The following CHST15 variants were observed in gnomAD, a reference collection of about 807,000 sequenced individuals.
The protein encoded by CHST15 is B cell RAG associated protein (GALNAC4S-6ST).
Under a neutral mutation model 53.6 loss-of-function variants are expected in CHST15, and 30 were observed. The ratio of observed to expected loss-of-function variants is 0.56; its 90% CI spans 0.42 to 0.76. The LOEUF (loss-of-function observed/expected upper bound fraction) is 0.76. Among genes scored for constraint, CHST15 ranks in the 30% least tolerant of loss-of-function variants. The probability of loss-of-function intolerance (pLI) is 0.00; values close to 1 mark genes in which losing one functional copy is unlikely to be tolerated. For missense variants in CHST15, 627 were observed against 740.5 expected, an observed-to-expected ratio of 0.85 and a Z score of 1.78; for synonymous variants, 296 against 289.8, an observed-to-expected ratio of 1.02 and a Z score of -0.22.
intron 5 of CHST15, among the ~76,000 whole-genome samples, chr10:124,026,725 C>T (rs1045237880): frequency 5.3e-5 from 8 of 152,136 alleles, no homozygotes; most frequent in African/African-American, 1.7e-4. Context: ...ACGGCCTCAG[C>T]GGATGCTTGC....
At chr10:124,047,198 ATG>A (rs1435303150) in intron 1 of CHST15, among the ~76,000 whole-genome samples, 1 of 152,212 alleles carries the variant, frequency 6.6e-6, no homozygotes, top group East Asian at 1.9e-4. Context: ...GGCAGAGAAA[ATG>A]TGTTTTTTCC....
Position 124,008,006 on chromosome 10 carries a change from A to C in CHST15, c.*2143T>G. 8.1e-7 allele frequency: 1 copy of C among 1,232,120 alleles called. No homozygotes were observed. The highest frequency in any genetic ancestry group is 1.0e-6 in the Non-Finnish European group (1 of 987,974). The allele number at this position is 1,232,120 out of a possible 1,614,324, so 76.3% of individuals were successfully genotyped here. A position where few individuals can be genotyped will look rare whatever the true frequency, so the allele number is the denominator to read the frequency against. On this transcript the variant is annotated 3_prime_UTR_variant, in exon 8 of 8. Coordinates refer to ENST00000435907, the MANE Select transcript of CHST15 (RefSeq NM_001270764.2). ...CTGGAGAGAAAGGCCCCTGGAGGGAAAAACCATGTCTGGATGGCATTGAGT... is the reference window on the plus strand; with the variant it reads ...CTGGAGAGAAAGGCCCCTGGAGGGACAAACCATGTCTGGATGGCATTGAGT...
intron 7 of CHST15, chr10:124,011,504 C>A: frequency 1.0e-6 from 1 of 985,470 alleles, no homozygotes; most frequent in Non-Finnish European, 1.2e-6. Context: ...CTCAATTAAC[C>A]AAGTTCCCGG....
intron 4 of CHST15, 139 bp from the exon 5 acceptor site, chr10:124,038,810 G>T: frequency 1.2e-6 from 1 of 835,062 alleles, no homozygotes; most frequent in Non-Finnish European, 1.8e-6. Context: ...GCCTTTGCGG[G>T]CATCTGGGAC....
chr10:124,021,471 G>A (rs1200984750), intron 5 of CHST15, 59 bp from the exon 6 acceptor site: 1 of 1,556,494 alleles, frequency 6.4e-7, no homozygotes, highest in East Asian at 2.3e-5. Context: ...ACACCATTTG[G>A]GCGACAATGA....
intron 1 of CHST15, among the ~76,000 whole-genome samples, chr10:124,052,342 T>C (rs531126779): frequency 6.6e-6 from 1 of 152,338 alleles, no homozygotes; most frequent in East Asian, 1.9e-4. Context: ...CAGTCTTCTA[T>C]CTGGACTTCG....
intron 1 of CHST15, among the ~76,000 whole-genome samples, chr10:124,077,945 T>C (rs1223332573): frequency 2.6e-5 from 4 of 152,204 alleles, no homozygotes; most frequent in African/African-American, 9.7e-5. Flanking sequence ...TCAATTGGAA[T>C]TGAGGCTCCC....
At chr10:124,029,858 C>G (rs1435384277) in intron 5 of CHST15, among the ~76,000 whole-genome samples, 1 of 152,216 alleles carries the variant, frequency 6.6e-6, no homozygotes, top group Non-Finnish European at 1.5e-5. Context: ...AGACAGGTCC[C>G]TGAACTGTGG....
chr10:124,052,286 G>A (rs1405094708), intron 1 of CHST15, among the ~76,000 whole-genome samples: 1 of 152,184 alleles, frequency 6.6e-6, no homozygotes, highest in Non-Finnish European at 1.5e-5. Flanking sequence ...TGAGAAGAAA[G>A]CCAACAAGAC....
chr10:124,060,573 C>G (rs1039332629), intron 1 of CHST15, among the ~76,000 whole-genome samples: 1 of 150,084 alleles, frequency 6.7e-6, no homozygotes, highest in Non-Finnish European at 1.5e-5. Context: ...GCCAACCCCA[C>G]CAGGAGTGTG....
Position 124,045,811 on chromosome 10 carries a change from A to G in CHST15, c.402T>C (p.His134=), listed in dbSNP as rs376806073. Residue 134 remains histidine, a synonymous_variant, in exon 2 of 8, where the codon CAT becomes CAC. Coordinates refer to ENST00000435907, the MANE Select transcript of CHST15 (RefSeq NM_001270764.2). ...TATTATTTACAGAGGATTGGTGGTG[A>G]TGCTCCTTTGTGTCACTTGGGTTTT... ...DSENPSDTKE[H]HHQSSVNNIS... is the part of the protein sequence containing the mutation. The G allele has an allele frequency of 3.1e-6, 5 of 1,613,912 alleles. No individual in the cohort carries two copies. Among genetic ancestry groups the G allele is most frequent in the Non-Finnish European group, 4.2e-6 (5 of 1,180,034 alleles).
chr10:124,062,436 G>C (rs530160075), intron 1 of CHST15, among the ~76,000 whole-genome samples: 2 of 152,138 alleles, frequency 1.3e-5, no homozygotes, highest in Non-Finnish European at 2.9e-5. Flanking sequence ...ACCCCTTACC[G>C]GCTGTGTGCC....
At position 124,024,936 on chromosome 10, in the gene CHST15, C is replaced by T. The variant is rs907168481; in HGVS notation, c.1191-3524G>A. Among the ~76,000 whole-genome samples, 1 of 152,152 alleles carries T rather than the reference C, an allele frequency of 6.6e-6. No individual in the cohort carries two copies. Among genetic ancestry groups the T allele is most frequent in the Non-Finnish European group, 1.5e-5 (1 of 68,026 alleles). On this transcript the variant is annotated intron_variant, in intron 5 of 7. Transcript: ENST00000435907. The surrounding 1 kb of genome is among the most constrained non-coding windows in gnomAD (Gnocchi z 4.0). ...ATGCTTCTGAAACTGTCATAAAATCCCACGTTAAATAAGTATTCGAAGCCC... is the reference window on the plus strand; with the variant it reads ...ATGCTTCTGAAACTGTCATAAAATCTCACGTTAAATAAGTATTCGAAGCCC...
intron 1 of CHST15, among the ~76,000 whole-genome samples, chr10:124,048,795 C>T (rs1246161570): frequency 3.9e-5 from 6 of 152,176 alleles, no homozygotes; most frequent in South Asian, 2.1e-4. Flanking sequence ...AAACAAAACA[C>T]GGACTTTGAA....
intron 6 of CHST15, among the ~76,000 whole-genome samples, chr10:124,017,609 G>C (rs539080658): frequency 8.1e-4 from 123 of 152,298 alleles, no homozygotes; most frequent in African/African-American, 2.8e-3. Context: ...GGCCTGCCAC[G>C]CTGTGGGTGC....
intron 1 of CHST15, among the ~76,000 whole-genome samples, chr10:124,072,849 C>T (rs1047394787): frequency 6.6e-6 from 1 of 152,206 alleles, no homozygotes. Flanking sequence ...ATCCCAGAAG[C>T]CTTATCTCTT....
At chr10:124,066,150 A>C (rs1479259083) in intron 1 of CHST15, among the ~76,000 whole-genome samples, 3 of 152,188 alleles carry the variant, frequency 2.0e-5, no homozygotes, top group African/African-American at 7.2e-5. Context: ...CCTCCATTTA[A>C]TCAATTTGAG....
intron 6 of CHST15, 80 bp downstream of exon 6, chr10:124,021,176 A>G (rs1338773046): frequency 8.8e-6 from 13 of 1,472,024 alleles, no homozygotes; most frequent in East Asian, 2.8e-5. Flanking sequence ...CAAACCCACA[A>G]TGCCGCTTGC....
At chr10:124,075,952 C>T (rs531302638) in intron 1 of CHST15, among the ~76,000 whole-genome samples, 25 of 152,296 alleles carry the variant, frequency 1.6e-4, no homozygotes, top group South Asian at 8.3e-4. Flanking sequence ...TGGCATTCTC[C>T]GGGATCCAGA....
Sources: allele counts gnomAD v4.1 joint callset (sites outside exome capture counted in the v4.1 genomes callset), GRCh38; gene constraint gnomAD v4.1.1; non-coding constraint Gnocchi (gnomAD v3.1); transcripts MANE v1.5; gene names NCBI Gene and HGNC (gene_info 2026-07-23, HGNC 2026-07-21).